SRBD1: variants seen among roughly 807,000 people sequenced by gnomAD.
SRBD1 encodes the protein S1 RNA-binding domain-containing protein 1.
In SRBD1, 88 loss-of-function variants were observed where a neutral mutation model predicts 115.3. The observed-to-expected ratio is 0.76, with a 90% CI of 0.64 to 0.91. SRBD1 has a LOEUF of 0.91. Ranked by LOEUF, SRBD1 falls within the 40% of genes least tolerant of loss-of-function variation. The probability of loss-of-function intolerance (pLI) is 0.00; values close to 1 mark genes in which losing one functional copy is unlikely to be tolerated. For synonymous variants in SRBD1, 509 were observed against 407.7 expected (o/e 1.25, Z -2.99); for missense variants, 1,385 against 1,177.4 (o/e 1.18, Z -2.58).
chr2:45,432,724 G>A (rs1186292661), intron 16 of SRBD1, among the ~76,000 whole-genome samples: 1 of 152,066 alleles, frequency 6.6e-6, no homozygotes. Context: ...CTGAATTTTT[G>A]GGGCAAGTTA....
chr2:45,580,239 C>T (rs1673308398), intron 6 of SRBD1, among the ~76,000 whole-genome samples: 1 of 152,182 alleles, frequency 6.6e-6, no homozygotes, highest in South Asian at 2.1e-4. Context: ...AAATTAGTTG[C>T]TTGGTTTCAC....
intron 16 of SRBD1, among the ~76,000 whole-genome samples, chr2:45,472,774 T>C (rs962864888): frequency 3.3e-5 from 5 of 152,354 alleles, no homozygotes; most frequent in East Asian, 3.9e-4. Flanking sequence ...GCTATGCTGT[T>C]AGGTAACAGA....
At position 45,599,514 on chromosome 2, in the gene SRBD1, C is replaced by T. The variant is rs1558504963; in HGVS notation, c.583G>A (p.Val195Ile). The T allele has an allele frequency of 1.2e-6, 2 of 1,614,222 alleles. No individual in the cohort carries two copies. Among genetic ancestry groups the T allele is most frequent in the East Asian group, 2.2e-5 (1 of 44,892 alleles). ...CTATTGGCATTTGCTGGAAACTTGA[C>T]AGGCTGCCCCTGAGGATATGTCTCA... ...KTETYPQGQP[V>I]KFPANANSTK... is the part of the protein sequence containing the mutation. Residue 195 changes from valine (V) to isoleucine (I), a missense_variant, in exon 4 of 21, where the codon GTC (valine) becomes ATC (isoleucine). Physicochemically the swap from Val to Ile is conservative, Grantham distance 29. Coordinates refer to ENST00000263736, the MANE Select transcript of SRBD1 (RefSeq NM_018079.5).
chr2:45,500,935 G>C (rs1485692788), intron 14 of SRBD1, among the ~76,000 whole-genome samples: 1 of 152,100 alleles, frequency 6.6e-6, no homozygotes, highest in Non-Finnish European at 1.5e-5. Flanking sequence ...GATAGAAGTG[G>C]GAAAGTAGGC....
At chr2:45,562,620 C>A in intron 10 of SRBD1, 33 bp downstream of exon 10, 1 of 1,493,732 alleles carries the variant, frequency 6.7e-7, no homozygotes, top group Non-Finnish European at 9.1e-7. Flanking sequence ...AGAAAAGAAA[C>A]AAAGAAAATT....
chr2:45,447,926 T>C (rs1028989815), intron 16 of SRBD1: 2 of 152,170 alleles, frequency 1.3e-5, no homozygotes, highest in Non-Finnish European at 2.9e-5. Flanking sequence ...AACATACAAC[T>C]ACTATACATT....
chr2:45,574,595 A>G lies in SRBD1; in HGVS notation c.1169+32T>C, dbSNP rs113427893. 4.8e-5 allele frequency: 76 copies of G among 1,595,108 alleles called. 1 individual carries two copies. In the African/African-American group the frequency reaches 7.1e-4, roughly 15 times the overall value. On this transcript the variant is annotated intron_variant, in intron 8 of 20. Transcript: ENST00000263736. ...GTGACCCTTAACAGCATGAGTCCAT[A>G]AAGCAGAAAACTCCATAAAAGAGAT...
intron 14 of SRBD1, among the ~76,000 whole-genome samples, chr2:45,493,369 C>T (rs572433047): frequency 1.3e-5 from 2 of 152,298 alleles, no homozygotes; most frequent in South Asian, 2.1e-4. Flanking sequence ...AAAAACTAAA[C>T]TACCACGAAC....
rs1470636497 is a variant in SRBD1 at position 45,607,601 on chromosome 2, C to G, written c.1-2160G>C. On this transcript the variant is annotated intron_variant, in intron 1 of 20. Transcript: ENST00000263736. The stretch of plus-strand genomic sequence containing the variant: ...GCCAGTAGTGGGAGCATATGAGAAC[C>G]AAACCAATTTACCCTGCAGTATTCT... 4.0e-5 allele frequency among the ~76,000 whole-genome samples: 6 copies of G among 151,670 alleles called. No individual in the cohort carries two copies. In the East Asian group the frequency reaches 1.2e-3, roughly 29 times the overall value.
At chr2:45,503,338 A>T (rs1441525029) in intron 14 of SRBD1, among the ~76,000 whole-genome samples, 1 of 152,172 alleles carries the variant, frequency 6.6e-6, no homozygotes, top group Non-Finnish European at 1.5e-5. Context: ...CATACTAAAG[A>T]ATATGGATTG....
intron 7 of SRBD1, 115 bp from the exon 8 acceptor site, chr2:45,574,838 G>T: frequency 3.5e-6 from 3 of 859,730 alleles, no homozygotes; most frequent in Non-Finnish European, 5.3e-6. Flanking sequence ...TAAGTTGACA[G>T]TCTTAAGACA....
chr2:45,553,763 T>G (rs770808036), intron 10 of SRBD1, 33 bp from the exon 11 acceptor site: 2 of 1,420,006 alleles, frequency 1.4e-6, no homozygotes, highest in Non-Finnish European at 1.9e-6. Context: ...CTAAAACTGA[T>G]GCAACAATAA....
At chr2:45,458,858 T>C (rs548164777) in intron 16 of SRBD1, among the ~76,000 whole-genome samples, 1 of 152,244 alleles carries the variant, frequency 6.6e-6, no homozygotes, top group Admixed American at 6.5e-5. Context: ...TACAGGGGAA[T>C]CACTAATTTT....
At position 45,526,175 on chromosome 2, in the gene SRBD1, A is replaced by G. The variant is rs1048835194; in HGVS notation, c.1874+20557T>C. On this transcript the variant is annotated intron_variant, in intron 14 of 20. Transcript: ENST00000263736. ...ACGAATGTTTACAGCAGCATTATTC[A>G]TAACAGCCAAAGAGTGGAAATAACT... 3.3e-5 allele frequency among the ~76,000 whole-genome samples: 5 copies of G among 152,074 alleles called. No homozygotes were observed. In the East Asian group the frequency reaches 7.7e-4, roughly 23 times the overall value.
intron 6 of SRBD1, among the ~76,000 whole-genome samples, chr2:45,580,223 T>C (rs73927560): frequency 0.048 from 7,330 of 152,282 alleles, 559 homozygotes; most frequent in African/African-American, 0.16. Context: ...TATTTTTCTA[T>C]ATGCTAAATT....
chr2:45,553,164 A>G (rs1327629010), intron 11 of SRBD1, among the ~76,000 whole-genome samples: 1 of 152,144 alleles, frequency 6.6e-6, no homozygotes, highest in African/African-American at 2.4e-5. Context: ...GTTTTCATCT[A>G]TATTACTTAG....
At chr2:45,423,031 C>T (rs1034154199) in intron 16 of SRBD1, among the ~76,000 whole-genome samples, 12 of 152,122 alleles carry the variant, frequency 7.9e-5, no homozygotes, top group African/African-American at 1.9e-4. Flanking sequence ...ACTTGAGCCA[C>T]ATTTTATATA....
At chr2:45,533,722 CTG>C (rs1216530302) in intron 14 of SRBD1, among the ~76,000 whole-genome samples, 1 of 151,980 alleles carries the variant, frequency 6.6e-6, no homozygotes, top group Non-Finnish European at 1.5e-5. Flanking sequence ...ATCAAAAACA[CTG>C]ATACAATCCC....
At position 45,511,950 on chromosome 2, in the gene SRBD1, A is replaced by C. The variant is rs368976055; in HGVS notation, c.1875-23619T>G. Among the ~76,000 whole-genome samples, 17 of 152,324 alleles carry C rather than the reference A, an allele frequency of 1.1e-4. No individual in the cohort carries two copies. In the East Asian group the frequency reaches 2.5e-3, roughly 22 times the overall value. ...GACATGATCACAGACTTCCAATGCT[A>C]ATCTCCTTTCTAGTTGAAATACCCA... is the stretch of plus-strand genomic sequence containing the variant. On this transcript the variant is annotated intron_variant, in intron 14 of 20. Transcript: ENST00000263736.
Sources: gnomAD v4.1 joint callset for allele counts (sites outside exome capture counted in the v4.1 genomes callset) on GRCh38, gnomAD v4.1.1 for gene constraint, MANE v1.5 for transcripts, NCBI Gene and HGNC (gene_info 2026-07-23, HGNC 2026-07-21) for gene names.